Variants in NALF1 observed in about 807,000 individuals in gnomAD.
The protein encoded by NALF1 is family with sequence similarity 155 member A.
A neutral mutation model predicts 48.4 loss-of-function variants in NALF1; 3 were observed. The observed-to-expected ratio is 0.06, with a 90% CI of 0.03 to 0.16. NALF1 has a LOEUF of 0.16. Among genes scored for constraint, NALF1 ranks in the 10% least tolerant of loss-of-function variants. The pLI, the probability that NALF1 is intolerant of heterozygous loss-of-function variation, is 1.00. For synonymous variants in NALF1, 262 were observed against 245.7 expected (o/e 1.07, Z -0.62); for missense variants, 526 against 571.5 (o/e 0.92, Z 0.81).
At chr13:107,697,457 A>G (rs1594213129) in intron 1 of NALF1, among the ~76,000 whole-genome samples, 6 of 152,260 alleles carry the variant, frequency 3.9e-5, no homozygotes, top group Admixed American at 3.3e-4. Context: ...TTATACCTTC[A>G]TGTTCTAAAA....
At chr13:107,289,761 T>C (rs2138881306) in intron 1 of NALF1, among the ~76,000 whole-genome samples, 1 of 152,232 alleles carries the variant, frequency 6.6e-6, no homozygotes, top group South Asian at 2.1e-4. Flanking sequence ...GATGAATTCA[T>C]CACCAACACT....
rs2769916 is a variant in NALF1 at position 107,168,041 on chromosome 13, G to A, written c.*2456C>T. The stretch of plus-strand genomic sequence containing the variant: ...AGTGAGTGGAATTTGCACTTGCATT[G>A]TCATTTTCCTGCAAGAATGGAAACG... On this transcript the variant is annotated 3_prime_UTR_variant, in exon 3 of 3. Coordinates refer to ENST00000375915, the MANE Select transcript of NALF1 (RefSeq NM_001080396.3). The A allele has an allele frequency of 0.72, 109,747 of 152,202 alleles. 39,966 individuals carry two copies. The highest frequency in any genetic ancestry group is 0.82 in the African/African-American group (34,158 of 41,522). The allele number at this position is 152,202 out of a possible 1,614,324, so 9.4% of individuals were successfully genotyped here.
At chr13:107,174,850 C>T (rs943085306) in intron 2 of NALF1, among the ~76,000 whole-genome samples, 1 of 151,762 alleles carries the variant, frequency 6.6e-6, no homozygotes, top group Middle Eastern at 3.4e-3. Flanking sequence ...CTGAACTCCT[C>T]CTACTGTTGC....
chr13:107,438,953 G>C (rs552985154), intron 1 of NALF1, among the ~76,000 whole-genome samples: 21 of 151,230 alleles, frequency 1.4e-4, no homozygotes, highest in Non-Finnish European at 2.9e-4. Flanking sequence ...TCATTTTAAG[G>C]TATATTTTTT....
intron 1 of NALF1, among the ~76,000 whole-genome samples, chr13:107,235,054 A>T (rs1880313376): frequency 6.6e-6 from 1 of 152,198 alleles, no homozygotes; most frequent in South Asian, 2.1e-4. Context: ...GAAAATATCC[A>T]TCATGCCCAC....
intron 1 of NALF1, among the ~76,000 whole-genome samples, chr13:107,818,769 G>C (rs1879256894): frequency 1.4e-5 from 2 of 142,256 alleles, no homozygotes; most frequent in Non-Finnish European, 3.0e-5. Context: ...CTACTCGGGA[G>C]GCTGAGGCAG....
At chr13:107,273,253 G>A (rs76147863) in intron 1 of NALF1, among the ~76,000 whole-genome samples, 5,990 of 152,244 alleles carry the variant, frequency 0.039, 182 homozygotes, top group Non-Finnish European at 0.064. Flanking sequence ...AGGTCATAAT[G>A]TTTTGTCCTC....
chr13:107,174,355 A>ATTT (rs1260135014), intron 2 of NALF1, among the ~76,000 whole-genome samples: 1 of 73,018 alleles, frequency 1.4e-5, no homozygotes, highest in Admixed American at 1.3e-4. Flanking sequence ...TTATTTATTT[A>ATTT]TTTATTTATT....
chr13:107,786,143 T>C (rs1878063363), intron 1 of NALF1, among the ~76,000 whole-genome samples: 2 of 151,954 alleles, frequency 1.3e-5, no homozygotes, highest in African/African-American at 4.8e-5. Flanking sequence ...ATGGGCAGGG[T>C]GAGGTGCTCA....
chr13:107,293,599 G>A (rs1465951412), intron 1 of NALF1, among the ~76,000 whole-genome samples: 7 of 152,168 alleles, frequency 4.6e-5, no homozygotes, highest in Admixed American at 6.5e-5. Context: ...TTAATACTGA[G>A]TCATCCTCAT....
intron 1 of NALF1, among the ~76,000 whole-genome samples, chr13:107,469,722 C>T (rs1193588639): frequency 7.1e-6 from 1 of 140,748 alleles, no homozygotes; most frequent in Non-Finnish European, 1.5e-5. Context: ...TGCGATGAGT[C>T]AACTGTGTAT....
chr13:107,501,199 G>A (rs1594097235), intron 1 of NALF1, among the ~76,000 whole-genome samples: 1 of 152,044 alleles, frequency 6.6e-6, no homozygotes, highest in Non-Finnish European at 1.5e-5. Flanking sequence ...AGCAAAAGAA[G>A]GAGAACTCAC....
intron 1 of NALF1, among the ~76,000 whole-genome samples, chr13:107,479,822 AT>A (rs1189094154): frequency 6.6e-6 from 1 of 152,164 alleles, no homozygotes; most frequent in Non-Finnish European, 1.5e-5. Flanking sequence ...CTTTTTAAAA[AT>A]TTAAGTAGAT....
At chr13:107,310,664 ACAATTATTTATTATTAT>A (rs1882026775) in intron 1 of NALF1, among the ~76,000 whole-genome samples, 1 of 151,900 alleles carries the variant, frequency 6.6e-6, no homozygotes, top group Non-Finnish European at 1.5e-5. Flanking sequence ...AAAACACAAT[ACAATTATTTATTATTAT>A]TATTATTATT....
rs575279451 is a variant in NALF1, at chr13:107,782,855, G to A, written c.915+82827C>T. On this transcript the variant is annotated intron_variant, in intron 1 of 2. Transcript: ENST00000375915. ...TGAGAAGTGAGGAGACCCTCCGCCC[G>A]GCAGCCGCCCCGTCTGGGAAGTGAG... is the stretch of plus-strand genomic sequence containing the variant. Among the ~76,000 whole-genome samples the A allele has an allele frequency of 3.4e-4, 52 of 150,986 alleles. 1 individual carries two copies. In the South Asian group the frequency reaches 0.01, roughly 30 times the overall value.
At chr13:107,569,445 C>T (rs949061755) in intron 1 of NALF1, among the ~76,000 whole-genome samples, 2 of 151,762 alleles carry the variant, frequency 1.3e-5, no homozygotes, top group African/African-American at 2.4e-5. Flanking sequence ...GCACTCCAGC[C>T]TGGGCGACAC....
In NALF1 at chr13:107,369,008, G is replaced by A. The variant is rs557322544; in HGVS notation, c.916-158253C>T. Among the ~76,000 whole-genome samples, 135 of 152,298 alleles carry A rather than the reference G, an allele frequency of 8.9e-4. 1 individual carries two copies. The highest frequency in any genetic ancestry group is 6.8e-3 in the Middle Eastern group (2 of 294). On this transcript the variant is annotated intron_variant, in intron 1 of 2. Transcript: ENST00000375915. ...ACATTCTATTCCCTTTACACGAAAT[G>A]CAGTTCCCTGCCTGCCTAACTTGCA...
intron 1 of NALF1, among the ~76,000 whole-genome samples, chr13:107,259,220 T>G (rs7998557): frequency 0.12 from 17,507 of 152,158 alleles, 1,189 homozygotes; most frequent in African/African-American, 0.17. Flanking sequence ...AAAGTCTTTT[T>G]CTTTATTCAT....
At chr13:107,539,952 T>C (rs1876952545) in intron 1 of NALF1, among the ~76,000 whole-genome samples, 1 of 152,046 alleles carries the variant, frequency 6.6e-6, no homozygotes, top group African/African-American at 2.4e-5. Flanking sequence ...AGCATAACTG[T>C]AATAGTTGAT....
Sources: gnomAD v4.1 joint callset for allele counts (sites outside exome capture counted in the v4.1 genomes callset) on GRCh38, gnomAD v4.1.1 for gene constraint, MANE v1.5 for transcripts, NCBI Gene and HGNC (gene_info 2026-07-23, HGNC 2026-07-21) for gene names.